CD28: variants seen among roughly 807,000 people sequenced by gnomAD.
The protein encoded by CD28 is T-cell-specific surface glycoprotein CD28.
CD28 carries 8 observed loss-of-function variants against 21.4 expected under a neutral mutation model. The observed-to-expected ratio is 0.37, with a 90% confidence interval of 0.22 to 0.68. CD28 has a LOEUF of 0.68. Among genes scored for constraint, CD28 ranks in the 30% least tolerant of loss-of-function variants. The probability of loss-of-function intolerance (pLI) is 0.55; values close to 1 mark genes in which losing one functional copy is unlikely to be tolerated. For missense variants in CD28, 239 were observed against 272.2 expected, an observed-to-expected ratio of 0.88 and a Z score of 0.86; for synonymous variants, 106 against 104.0, an observed-to-expected ratio of 1.02 and a Z score of -0.12.
Position 203,734,950 on chromosome 2 carries a change from C to G in CD28, c.*38C>G. ...TCCAGAAGCCAGCCGGCTGGCAGCC[C>G]CCATCTGCTCAATATCACTGCTCTG... On this transcript the variant is annotated 3_prime_UTR_variant, in exon 4 of 4. Transcript: ENST00000324106. 1 of 1,606,516 alleles carries G rather than the reference C, an allele frequency of 6.2e-7. No homozygotes were observed. The highest frequency in any genetic ancestry group is 1.3e-5 in the African/African-American group (1 of 74,994).
At chr2:203,713,355 G>A (rs1693367973) in intron 1 of CD28, among the ~76,000 whole-genome samples, 1 of 152,190 alleles carries the variant, frequency 6.6e-6, no homozygotes, top group Non-Finnish European at 1.5e-5. Flanking sequence ...TAGAAAAACA[G>A]AGAGTGGAGC....
rs549169458 is a variant in CD28, at chr2:203,736,038, C to CAACAACAACAACAAA, written c.*1128_*1129insCAACAACAACAAAAA. 2.6e-5 allele frequency: 4 copies of CAACAACAACAACAAA among 152,440 alleles called. No individual in the cohort carries two copies. Among genetic ancestry groups the CAACAACAACAACAAA allele is most frequent in the Admixed American group, 6.6e-5 (1 of 15,232 alleles). 9.4% of individuals were successfully genotyped at this position (152,440 alleles called of 1,614,324 possible). ...ACAACAACAACAACAACAACAACAACAAACCACAAAATTATTTGAGTACTG... is the reference window on the plus strand; with the variant it reads ...ACAACAACAACAACAACAACAACAACAACAACAACAACAAAAAACCACAAAATTATTTGAGTACTG... On this transcript the variant is annotated 3_prime_UTR_variant, in exon 4 of 4. Transcript: ENST00000324106.
chr2:203,726,142 T>C (rs777485936), intron 1 of CD28, among the ~76,000 whole-genome samples: 4 of 152,064 alleles, frequency 2.6e-5, no homozygotes, highest in Admixed American at 1.3e-4. Flanking sequence ...ACTCGGTGGG[T>C]GGAGGTTGCA....
chr2:203,732,945 C>T (rs527534617), intron 3 of CD28, among the ~76,000 whole-genome samples: 15 of 152,302 alleles, frequency 9.8e-5, no homozygotes, highest in African/African-American at 3.1e-4. Flanking sequence ...AATCAAGACA[C>T]CTTTATTGCT....
intron 1 of CD28, among the ~76,000 whole-genome samples, chr2:203,709,191 T>C (rs143979336): frequency 2.0e-5 from 3 of 152,296 alleles, no homozygotes; most frequent in African/African-American, 4.8e-5. Flanking sequence ...GTACACACCT[T>C]CCATTAAGAA....
chr2:203,710,184 T>C (rs905642717), intron 1 of CD28, among the ~76,000 whole-genome samples: 5 of 152,210 alleles, frequency 3.3e-5, no homozygotes, highest in Non-Finnish European at 7.3e-5. Flanking sequence ...CAATATGCTG[T>C]GGCCAGTTTT....
intron 3 of CD28, among the ~76,000 whole-genome samples, chr2:203,730,718 A>G (rs1333283826): frequency 6.6e-6 from 1 of 152,220 alleles, no homozygotes; most frequent in East Asian, 1.9e-4. Flanking sequence ...TTGGTGCTTA[A>G]TGAATGCTTA....
chr2:203,729,063 T>G (rs1344004361), intron 2 of CD28, among the ~76,000 whole-genome samples: 2 of 152,198 alleles, frequency 1.3e-5, no homozygotes, highest in Non-Finnish European at 2.9e-5. Context: ...TTGGTATGCT[T>G]TCTAGTTCTA....
Position 203,724,322 on chromosome 2 carries a change from T to C in CD28, c.53-2311T>C, listed in dbSNP as rs1424561591. ...CAGATAGTGGTGATTCATTCATAAC[T>C]TTGTGAATATACTAAAAAATCTCTG... On this transcript the variant is annotated intron_variant, in intron 1 of 3. Coordinates refer to ENST00000324106, the MANE Select transcript of CD28 (RefSeq NM_006139.4). Among the ~76,000 whole-genome samples, 5 of 152,206 alleles carry C rather than the reference T, an allele frequency of 3.3e-5. No individual in the cohort carries two copies. The South Asian group carries it at 8.3e-4, about 25-fold the overall frequency.
In CD28 at chr2:203,729,533, G is replaced by C; in HGVS notation, c.410-115G>C. On this transcript the variant is annotated intron_variant, in intron 2 of 3. Coordinates refer to ENST00000324106, the MANE Select transcript of CD28 (RefSeq NM_006139.4). ...AGAGGAAATCTATTCACTCTAAGCT[G>C]GTGATATGTTTAATATTTTTATTTC... The C allele has an allele frequency of 2.8e-6, 3 of 1,083,838 alleles. No homozygotes were observed. In the South Asian group the frequency reaches 4.5e-5, roughly 16 times the overall value. The allele number at this position is 1,083,838 out of a possible 1,614,324, so 67.1% of individuals were successfully genotyped here.
Position 203,729,683 on chromosome 2 carries a change from C to T in CD28, c.445C>T (p.Pro149Ser), listed in dbSNP as rs772079144. The T allele has an allele frequency of 2.5e-6, 4 of 1,614,042 alleles. No individual in the cohort carries two copies. The highest frequency in any genetic ancestry group is 1.7e-5 in the Admixed American group (1 of 60,020). ...HLCPSPLFPG[P>S]SKPFWVLVVV... Reference sequence around the variant, plus strand: ...TTGTCCAAGTCCCCTATTTCCCGGACCTTCTAAGCCCTTTTGGGTGCTGGT... The same window carrying T: ...TTGTCCAAGTCCCCTATTTCCCGGATCTTCTAAGCCCTTTTGGGTGCTGGT... Residue 149 changes from proline (P) to serine (S), a missense_variant, in exon 3 of 4, where the codon CCT (proline) becomes TCT (serine). Coordinates refer to ENST00000324106, the MANE Select transcript of CD28 (RefSeq NM_006139.4).
chr2:203,723,753 A>T (rs1313511034), intron 1 of CD28, among the ~76,000 whole-genome samples: 1 of 152,196 alleles, frequency 6.6e-6, no homozygotes, highest in Non-Finnish European at 1.5e-5. Flanking sequence ...AAGTGTCGGC[A>T]AGGGTGAGGA....
intron 2 of CD28, among the ~76,000 whole-genome samples, chr2:203,729,160 A>G (rs1249105510): frequency 6.6e-6 from 1 of 152,230 alleles, no homozygotes; most frequent in Non-Finnish European, 1.5e-5. Context: ...GTTTGTCATT[A>G]TATAATCTAT....
intron 1 of CD28, among the ~76,000 whole-genome samples, chr2:203,717,226 C>T (rs753746312): frequency 8.6e-5 from 13 of 152,044 alleles, no homozygotes; most frequent in Non-Finnish European, 1.3e-4. Flanking sequence ...AAACTAAAAC[C>T]TCTTTAGATT....
At chr2:203,710,918 T>TAGGA (rs1359400292) in intron 1 of CD28, among the ~76,000 whole-genome samples, 3 of 152,174 alleles carry the variant, frequency 2.0e-5, no homozygotes, top group African/African-American at 7.2e-5. Context: ...CTTCAAGAAA[T>TAGGA]TTATTATTTA....
chr2:203,719,346 T>C (rs1693546658), intron 1 of CD28, among the ~76,000 whole-genome samples: 1 of 152,200 alleles, frequency 6.6e-6, no homozygotes, highest in Admixed American at 6.5e-5. Context: ...GATAAGACTC[T>C]AATAAAATAG....
At chr2:203,713,342 C>T (rs572406135) in intron 1 of CD28, among the ~76,000 whole-genome samples, 1 of 152,196 alleles carries the variant, frequency 6.6e-6, no homozygotes, top group South Asian at 2.1e-4. Context: ...GAGGGCATAA[C>T]TGTAGAAAAA....
In CD28 at chr2:203,720,277, C is replaced by T. The variant is rs544589034; in HGVS notation, c.53-6356C>T. Among the ~76,000 whole-genome samples, 157 of 152,322 alleles carry T rather than the reference C, an allele frequency of 1.0e-3. 1 individual carries two copies. The South Asian group carries it at 0.013, about 12-fold the overall frequency. On this transcript the variant is annotated intron_variant, in intron 1 of 3. Coordinates refer to ENST00000324106, the MANE Select transcript of CD28 (RefSeq NM_006139.4). ...TAGCTGGTTTAGCTGCTAGGAAAGG[C>T]TTTGAAAAGCAAAGCACTAAATTCA...
Position 203,718,361 on chromosome 2 carries a change from G to T in CD28, c.53-8272G>T, listed in dbSNP as rs116835882. On this transcript the variant is annotated intron_variant, in intron 1 of 3. Transcript: ENST00000324106. ...GAACAGGAAATATACTCAGAGGAAA[G>T]TTACAGTAACTTAACTAGCTCTGTG... is the stretch of plus-strand genomic sequence containing the variant. Among the ~76,000 whole-genome samples the T allele has an allele frequency of 7.0e-3, 1,063 of 152,324 alleles. 9 individuals carry two copies. The highest frequency in any genetic ancestry group is 0.024 in the African/African-American group (999 of 41,566).
Sources: allele counts gnomAD v4.1 joint callset (sites outside exome capture counted in the v4.1 genomes callset), GRCh38; gene constraint gnomAD v4.1.1; transcripts MANE v1.5; gene names NCBI Gene and HGNC (gene_info 2026-07-23, HGNC 2026-07-21).